Variants in GPC3 observed in about 807,000 individuals in gnomAD.
The protein encoded by GPC3 is glypican 3.
A neutral mutation model predicts 34.4 loss-of-function variants in GPC3; 3 were observed. The ratio of observed to expected loss-of-function variants is 0.09; its 90% CI spans 0.04 to 0.23. The LOEUF is 0.23. Among genes scored for constraint, GPC3 ranks in the 10% least tolerant of loss-of-function variants. GPC3 has a pLI of 1.00. For synonymous variants in GPC3, 177 were observed against 174.0 expected (o/e 1.02, Z -0.13); for missense variants, 351 against 445.6 (o/e 0.79, Z 1.91).
intron 6 of GPC3, among the ~76,000 whole-genome samples, chrX:133,603,770 T>C (rs1189908804): frequency 9.0e-6 from 1 of 111,679 alleles, no homozygotes; most frequent in Non-Finnish European, 1.9e-5. Flanking sequence ...AAAAAAGGGC[T>C]TTCTGAAGTA....
intron 2 of GPC3, among the ~76,000 whole-genome samples, chrX:133,770,726 A>G (rs1291212813): frequency 8.9e-6 from 1 of 111,904 alleles, no homozygotes; most frequent in Non-Finnish European, 1.9e-5. Flanking sequence ...CACAAGACCA[A>G]AACCTATTAT....
At chrX:133,542,335 A>C (rs968221807) in intron 7 of GPC3, among the ~76,000 whole-genome samples, 1 of 111,490 alleles carries the variant, frequency 9.0e-6, no homozygotes, top group African/African-American at 3.3e-5. Flanking sequence ...GGGTGCATCA[A>C]GCAGGCATGG....
intron 2 of GPC3, among the ~76,000 whole-genome samples, chrX:133,835,236 G>T (rs188807892): frequency 8.9e-6 from 1 of 112,083 alleles, no homozygotes; most frequent in East Asian, 2.8e-4. Context: ...CAGTATCTGC[G>T]TTGGGAGCTG....
At chrX:133,919,977 C>G (rs978110079) in intron 2 of GPC3, among the ~76,000 whole-genome samples, 3 of 108,585 alleles carry the variant, frequency 2.8e-5, no homozygotes, top group Non-Finnish European at 5.7e-5. Context: ...CTGAGCAACA[C>G]AGCAAGACCT....
intron 7 of GPC3, among the ~76,000 whole-genome samples, chrX:133,558,911 A>G (rs1348892161): frequency 5.6e-5 from 6 of 106,382 alleles, no homozygotes; most frequent in African/African-American, 2.1e-4. Context: ...AAGTAAATAA[A>G]TAAATAAATA....
At chrX:133,749,726 C>G (rs1484787194) in intron 3 of GPC3, among the ~76,000 whole-genome samples, 2 of 111,454 alleles carry the variant, frequency 1.8e-5, no homozygotes, top group Admixed American at 9.6e-5. Flanking sequence ...CTCACCACAA[C>G]TGAACCTCAA....
chrX:133,549,454 A>T (rs1193682420), intron 7 of GPC3, among the ~76,000 whole-genome samples: 1 of 111,045 alleles, frequency 9.0e-6, no homozygotes, highest in Admixed American at 9.6e-5. Context: ...GAGCCTCCCC[A>T]GCTCATCTTT....
intron 2 of GPC3, among the ~76,000 whole-genome samples, chrX:133,918,885 CTT>C (rs993076903): frequency 1.8e-5 from 2 of 112,044 alleles, no homozygotes; most frequent in Non-Finnish European, 3.8e-5. Flanking sequence ...TTAAAGCAGT[CTT>C]ATAAATACGA....
chrX:133,845,114 A>G (rs1216325244), intron 2 of GPC3, among the ~76,000 whole-genome samples: 2 of 112,005 alleles, frequency 1.8e-5, no homozygotes, highest in Non-Finnish European at 3.8e-5. Context: ...TTTCTTATAT[A>G]TGCTAATTTG....
intron 6 of GPC3, among the ~76,000 whole-genome samples, chrX:133,609,492 A>G (rs1408914084): frequency 8.9e-6 from 1 of 112,423 alleles, no homozygotes; most frequent in Non-Finnish European, 1.9e-5. Context: ...GTAATTATTT[A>G]GGACATTGGT....
chrX:133,659,664 T>A, intron 6 of GPC3, among the ~76,000 whole-genome samples: 1 of 111,809 alleles, frequency 8.9e-6, no homozygotes, highest in Non-Finnish European at 1.9e-5. Flanking sequence ...TTCCTTTGAA[T>A]CCCCAAAGTC....
intron 6 of GPC3, among the ~76,000 whole-genome samples, chrX:133,641,964 T>C (rs910940501): frequency 1.3e-4 from 15 of 112,098 alleles, no homozygotes; most frequent in African/African-American, 4.9e-4. Flanking sequence ...GCTGTCTTAT[T>C]CTATAGAGCC....
intron 2 of GPC3, among the ~76,000 whole-genome samples, chrX:133,758,463 A>G (rs1674437689): frequency 9.0e-6 from 1 of 111,247 alleles, no homozygotes; most frequent in Non-Finnish European, 1.9e-5. Context: ...AAAACCTAAC[A>G]CCGCATGTTC....
At chrX:133,545,725 A>C (rs2069378453) in intron 7 of GPC3, among the ~76,000 whole-genome samples, 2 of 111,474 alleles carry the variant, frequency 1.8e-5, no homozygotes, top group African/African-American at 6.5e-5. Flanking sequence ...TGGCCTTTTA[A>C]AATACTATAT....
At chrX:133,844,552 G>A (rs2075839296) in intron 2 of GPC3, among the ~76,000 whole-genome samples, 1 of 111,788 alleles carries the variant, frequency 8.9e-6, no homozygotes, top group Admixed American at 9.5e-5. Context: ...AGATCAATGG[G>A]AGACCGAGTA....
At chrX:133,731,074 G>T (rs1233460836) in intron 3 of GPC3, among the ~76,000 whole-genome samples, 2 of 112,458 alleles carry the variant, frequency 1.8e-5, no homozygotes, top group Admixed American at 9.4e-5. Flanking sequence ...GATAAGTGAG[G>T]ATACTTTACA....
chrX:133,791,700 C>T (rs779504215), intron 2 of GPC3, among the ~76,000 whole-genome samples: 3 of 109,652 alleles, frequency 2.7e-5, no homozygotes, highest in South Asian at 8.1e-4. Flanking sequence ...GCTGTTCCCT[C>T]ACCTCACTCA....
intron 2 of GPC3, among the ~76,000 whole-genome samples, chrX:133,912,682 T>C (rs2076206262): frequency 9.0e-6 from 1 of 110,584 alleles, no homozygotes; most frequent in South Asian, 3.9e-4. Context: ...GGAATTCTCT[T>C]TTGGACTTGC....
At chrX:133,646,129 G>GTGACTA (rs1028420165) in intron 6 of GPC3, among the ~76,000 whole-genome samples, 2 of 109,015 alleles carry the variant, frequency 1.8e-5, no homozygotes, top group Non-Finnish European at 3.8e-5. Context: ...GCCAAGGGCA[G>GTGACTA]TGACTATCTC....
Sources: gnomAD v4.1 joint callset for allele counts (sites outside exome capture counted in the v4.1 genomes callset) on GRCh38, gnomAD v4.1.1 for gene constraint, MANE v1.5 for transcripts, NCBI Gene and HGNC (gene_info 2026-07-23, HGNC 2026-07-21) for gene names.